The following NFASC variants were observed in gnomAD, a reference collection of about 807,000 sequenced individuals.
The protein encoded by NFASC is neurofascin.
A neutral mutation model predicts 147.5 loss-of-function variants in NFASC; 43 were observed. The observed-to-expected ratio is 0.29, with a 90% CI of 0.23 to 0.38. The LOEUF is 0.38. Ranked by LOEUF, NFASC falls within the 10% of genes least tolerant of loss-of-function variation. The pLI is 1.00. For synonymous variants in NFASC, 622 were observed against 665.5 expected, an observed-to-expected ratio of 0.93 and a Z score of 1.01; for missense variants, 1,320 against 1,689.0, an observed-to-expected ratio of 0.78 and a Z score of 3.83.
In NFASC at chr1:205,021,049, A is replaced by G. The variant is rs1574596835; in HGVS notation, c.*4510A>G. ...AGGAAAAATAGAGAGGCCTCAAAAC[A>G]ATGAAACAAAGAGCTTGATATGTCA... On this transcript the variant is annotated 3_prime_UTR_variant, in exon 30 of 30. Coordinates refer to ENST00000339876, the MANE Select transcript of NFASC (RefSeq NM_001005388.3). The G allele has an allele frequency of 6.6e-6, 1 of 152,220 alleles. No homozygotes were observed. The highest frequency in any genetic ancestry group is 3.4e-3 in the Middle Eastern group (1 of 294). The allele number at this position is 152,220 out of a possible 1,614,324, so 9.4% of individuals were successfully genotyped here. A position where few individuals can be genotyped will look rare whatever the true frequency, so the allele number is the denominator to read the frequency against.
intron 22 of NFASC, 121 bp from the exon 23 acceptor site, chr1:204,988,512 C>T: frequency 1.2e-6 from 1 of 839,362 alleles, no homozygotes; most frequent in Non-Finnish European, 1.9e-6. Flanking sequence ...GATCACCAGG[C>T]AGGTGCCATC....
In NFASC at chr1:204,944,302, G is replaced by A. The variant is rs1486775399; in HGVS notation, c.-14G>A. The A allele has an allele frequency of 6.2e-7, 1 of 1,612,306 alleles. No homozygotes were observed. The highest frequency in any genetic ancestry group is 1.3e-5 in the African/African-American group (1 of 74,902). ...CGAGTGCTGGGGAGCAGGGAGCAGG[G>A]CCAGGTGCCGAGGATGGCCAGGCAG... On this transcript the variant is annotated 5_prime_UTR_variant, in exon 3 of 30. Transcript: ENST00000339876.
rs1045404479 is a variant in NFASC at position 205,019,564 on chromosome 1, T to C, written c.*3025T>C. 6 of 152,220 alleles carry C rather than the reference T, an allele frequency of 3.9e-5. No homozygotes were observed. Among genetic ancestry groups the C allele is most frequent in the Admixed American group, 6.5e-5 (1 of 15,280 alleles). 9.4% of individuals were successfully genotyped at this position (152,220 alleles called of 1,614,324 possible). On this transcript the variant is annotated 3_prime_UTR_variant, in exon 30 of 30. Transcript: ENST00000339876. ...GCTGTGGATACCATGGCGCGTGAGT[T>C]AGATGTGGTCCCTGCCCTCATGGGG... is the stretch of plus-strand genomic sequence containing the variant.
chr1:204,966,814 G>A lies in NFASC; in HGVS notation c.707-1435G>A, dbSNP rs80062813. ...TGCCGTGTATTGTATCATCAGCCTC[G>A]TTACCCTCTGCATATGTTTCATCCT... On this transcript the variant is annotated intron_variant, in intron 8 of 29. Coordinates refer to ENST00000339876, the MANE Select transcript of NFASC (RefSeq NM_001005388.3). Among the ~76,000 whole-genome samples the A allele has an allele frequency of 2.0e-4, 30 of 152,094 alleles. No individual in the cohort carries two copies. The East Asian group carries it at 5.6e-3, about 28-fold the overall frequency.
intron 3 of NFASC, among the ~76,000 whole-genome samples, chr1:204,949,529 G>A (rs962913501): frequency 1.3e-5 from 2 of 152,224 alleles, no homozygotes; most frequent in Admixed American, 6.5e-5. Flanking sequence ...ATATTCATCA[G>A]GAAAAAACAT....
intron 15 of NFASC, 103 bp from the exon 16 acceptor site, chr1:204,976,568 C>T: frequency 1.2e-6 from 1 of 819,708 alleles, no homozygotes; most frequent in Admixed American, 2.3e-5. Flanking sequence ...AAGGAGCTTC[C>T]CTTGCCCTCC....
rs747789287 is a variant in NFASC, at chr1:204,979,509, G to C, written c.2126G>C (p.Gly709Ala). Residue 709 changes from glycine to alanine, a missense_variant, in exon 19 of 30, where the codon GGG becomes GCG. Around this residue, in one of 3 missense-constraint regions of NFASC, gnomAD observed 981 missense variants for 1,289.5 expected, o/e 0.76. Coordinates refer to ENST00000339876, the MANE Select transcript of NFASC (RefSeq NM_001005388.3). The surrounding 1 kb of genome is among the most constrained non-coding windows in gnomAD (Gnocchi z 6.0). ...CGTGTCATTGCCATCAACGAGGTTG[G>C]GAGCAGCCACCCCAGCCTCCCATCC... Reference protein sequence around the residue: ...QFRVIAINEVGSSHPSLPSER... With the variant: ...QFRVIAINEVASSHPSLPSER... The C allele has an allele frequency of 1.2e-6, 2 of 1,613,782 alleles. No homozygotes were observed. The highest frequency in any genetic ancestry group is 3.3e-5 in the Admixed American group (2 of 60,020).
chr1:204,854,495 A>G (rs182841625), intron 1 of NFASC, among the ~76,000 whole-genome samples: 1 of 152,212 alleles, frequency 6.6e-6, no homozygotes, highest in African/African-American at 2.4e-5. Context: ...ACCCTGGGAC[A>G]GGTGGGTGTG....
chr1:205,013,773 C>G (rs1435967676), intron 29 of NFASC, among the ~76,000 whole-genome samples: 1 of 152,134 alleles, frequency 6.6e-6, no homozygotes. Context: ...CACCCAGTTA[C>G]TGCCTGGGCC....
At chr1:205,003,505 C>T (rs1238893761) in intron 27 of NFASC, among the ~76,000 whole-genome samples, 1 of 152,196 alleles carries the variant, frequency 6.6e-6, no homozygotes, top group African/African-American at 2.4e-5. Context: ...TGGATACTTA[C>T]AGGGCACTCC....
intron 1 of NFASC, among the ~76,000 whole-genome samples, chr1:204,878,211 T>C (rs2079427692): frequency 6.6e-6 from 1 of 152,220 alleles, no homozygotes; most frequent in African/African-American, 2.4e-5. Flanking sequence ...CTTCACCTTC[T>C]TTTATACAGC....
intron 1 of NFASC, among the ~76,000 whole-genome samples, chr1:204,858,928 C>T (rs1429731886): frequency 2.0e-5 from 3 of 151,912 alleles, no homozygotes; most frequent in African/African-American, 2.4e-5. Context: ...ATCTCACAGC[C>T]GGTTTTACCA....
At chr1:204,910,153 C>G (rs1441555009) in intron 1 of NFASC, among the ~76,000 whole-genome samples, 1 of 142,594 alleles carries the variant, frequency 7.0e-6, no homozygotes, top group Non-Finnish European at 1.5e-5. Flanking sequence ...TGCATTAAAC[C>G]AGTATATATA....
At chr1:204,982,136 A>G in intron 21 of NFASC, 116 bp downstream of exon 21, 1 of 618,182 alleles carries the variant, frequency 1.6e-6, no homozygotes, top group Non-Finnish European at 2.7e-6. Context: ...GTTCCCAGGA[A>G]GGAAAAATGT....
intron 1 of NFASC, among the ~76,000 whole-genome samples, chr1:204,862,311 A>C (rs1194885737): frequency 6.6e-6 from 1 of 152,248 alleles, no homozygotes; most frequent in African/African-American, 2.4e-5. Flanking sequence ...GTAGGCTTGA[A>C]AGCAGTTCCA....
chr1:204,989,130 A>C, intron 23 of NFASC: 1 of 365,340 alleles, frequency 2.7e-6, no homozygotes, highest in Non-Finnish European at 5.1e-6. Context: ...AGAAATCATA[A>C]TGAACTCCAA....
chr1:204,988,458 A>G (rs185573523), intron 22 of NFASC, among the ~76,000 whole-genome samples, 175 bp from the exon 23 acceptor site: 263 of 152,374 alleles, frequency 1.7e-3, no homozygotes, highest in African/African-American at 6.1e-3. Flanking sequence ...AAGAGCCCGG[A>G]GGGAGTTCTT....
chr1:204,966,456 C>G (rs780490922), intron 8 of NFASC, among the ~76,000 whole-genome samples: 1 of 152,126 alleles, frequency 6.6e-6, no homozygotes, highest in East Asian at 1.9e-4. Flanking sequence ...GACAACAGAG[C>G]CTTCTGCCCT....
intron 1 of NFASC, among the ~76,000 whole-genome samples, chr1:204,887,450 G>C (rs2081508236): frequency 6.6e-6 from 1 of 152,056 alleles, no homozygotes; most frequent in Admixed American, 6.6e-5. Flanking sequence ...AAATCATGTT[G>C]CTATGAACAT....
Sources: gnomAD v4.1 joint callset for allele counts (sites outside exome capture counted in the v4.1 genomes callset) on GRCh38, gnomAD v4.1.1 for gene constraint, gnomAD v4.1.1 regional missense constraint, Gnocchi (gnomAD v3.1) non-coding constraint, MANE v1.5 for transcripts, NCBI Gene and HGNC (gene_info 2026-07-23, HGNC 2026-07-21) for gene names.